Variants in FOXN3 observed in about 807,000 individuals in gnomAD.
FOXN3 encodes forkhead box protein N3.
In FOXN3, 7 loss-of-function variants were observed where a neutral mutation model predicts 38.4. The observed-to-expected ratio is 0.18, with a 90% CI of 0.10 to 0.34. The LOEUF (loss-of-function observed/expected upper bound fraction) is 0.34. FOXN3 is among the 10% of genes least tolerant of loss of function. The pLI, the probability that FOXN3 is intolerant of heterozygous loss-of-function variation, is 1.00. For missense variants in FOXN3, 456 were observed against 613.4 expected (o/e 0.74, Z 2.71); for synonymous variants, 230 against 242.2 (o/e 0.95, Z 0.47).
At chr14:89,407,959 C>T (rs1891438142) in intron 2 of FOXN3, among the ~76,000 whole-genome samples, 3 of 152,160 alleles carry the variant, frequency 2.0e-5, no homozygotes, top group South Asian at 2.1e-4. Context: ...AGTCATTATA[C>T]GATTCTAGTT....
chr14:89,382,865 G>A (rs878977037), intron 2 of FOXN3, among the ~76,000 whole-genome samples: 5 of 152,078 alleles, frequency 3.3e-5, no homozygotes, highest in East Asian at 1.9e-4. Context: ...TGAAAGGGAC[G>A]GTGAAGAAAC....
intron 2 of FOXN3, among the ~76,000 whole-genome samples, chr14:89,376,640 A>C (rs993894366): frequency 6.6e-6 from 1 of 152,168 alleles, no homozygotes; most frequent in African/African-American, 2.4e-5. Context: ...CGCTGATCAG[A>C]CTTAGCGTCA....
intron 4 of FOXN3, among the ~76,000 whole-genome samples, chr14:89,226,157 T>G (rs1884633279): frequency 6.9e-6 from 1 of 144,946 alleles, no homozygotes. Context: ...TTCTGACCAT[T>G]GATCTACCAA....
At chr14:89,516,628 C>A (rs1385136352) in intron 1 of FOXN3, among the ~76,000 whole-genome samples, 4 of 143,892 alleles carry the variant, frequency 2.8e-5, no homozygotes, top group African/African-American at 1.0e-4. Flanking sequence ...GTGGCACAAT[C>A]ATGGCTCACT....
chr14:89,568,171 C>T lies in FOXN3; in HGVS notation c.-15+50857G>A, dbSNP rs140280531. 2.9e-3 allele frequency among the ~76,000 whole-genome samples: 447 copies of T among 152,182 alleles called. 2 individuals carry two copies. The highest frequency in any genetic ancestry group is 0.01 in the African/African-American group (429 of 41,496). On this transcript the variant is annotated intron_variant, in intron 1 of 6. Coordinates refer to the FOXN3 transcript ENST00000345097. ...GCATCTGAGGACTTTGTTTCCCTCC[C>T]CGCTTCCATTCTAATGCACTAGAAA...
intron 1 of FOXN3, among the ~76,000 whole-genome samples, chr14:89,610,696 A>G (rs1896371750): frequency 6.6e-6 from 1 of 152,218 alleles, no homozygotes; most frequent in Admixed American, 6.5e-5. Context: ...TAAGAAACCT[A>G]TGAGAATTAC....
At chr14:89,230,458 T>G (rs1884772995) in intron 4 of FOXN3, among the ~76,000 whole-genome samples, 1 of 152,258 alleles carries the variant, frequency 6.6e-6, no homozygotes, top group Non-Finnish European at 1.5e-5. Context: ...ACTTCATCTC[T>G]GTGGGGATCA....
intron 4 of FOXN3, among the ~76,000 whole-genome samples, chr14:89,195,947 TAG>T (rs1471190501): frequency 6.6e-6 from 1 of 152,108 alleles, no homozygotes; most frequent in Admixed American, 6.5e-5. Context: ...GGGTGCTGAA[TAG>T]AGTTATGACC....
At chr14:89,467,014 C>A (rs937183963) in intron 1 of FOXN3, among the ~76,000 whole-genome samples, 1 of 152,200 alleles carries the variant, frequency 6.6e-6, no homozygotes, top group Non-Finnish European at 1.5e-5. Context: ...CGTTAGCTTT[C>A]GTTGCTGGGA....
At chr14:89,525,386 A>G (rs575797580) in intron 1 of FOXN3, among the ~76,000 whole-genome samples, 40 of 152,320 alleles carry the variant, frequency 2.6e-4, no homozygotes, top group African/African-American at 8.9e-4. Flanking sequence ...CACCAGCACT[A>G]TGACTATTTA....
intron 1 of FOXN3, among the ~76,000 whole-genome samples, chr14:89,449,772 C>T (rs1291375727): frequency 6.6e-6 from 1 of 152,204 alleles, no homozygotes; most frequent in Non-Finnish European, 1.5e-5. Flanking sequence ...GGTCTGACAG[C>T]TTTGCCCCCC....
chr14:89,222,264 A>G (rs1237893208), intron 4 of FOXN3, among the ~76,000 whole-genome samples: 3 of 152,174 alleles, frequency 2.0e-5, no homozygotes, highest in African/African-American at 7.2e-5. Flanking sequence ...GGACAGAGTC[A>G]ACTAAAGCTG....
chr14:89,192,362 T>C (rs1359045040), intron 4 of FOXN3, among the ~76,000 whole-genome samples: 1 of 145,468 alleles, frequency 6.9e-6, no homozygotes, highest in Non-Finnish European at 1.5e-5. Context: ...ATACAGTTTA[T>C]ATATTAACTA....
intron 1 of FOXN3, among the ~76,000 whole-genome samples, chr14:89,527,553 A>G (rs780024495): frequency 2.6e-5 from 4 of 152,336 alleles, no homozygotes; most frequent in Non-Finnish European, 5.9e-5. Context: ...CCAACAATAT[A>G]ATGGGCAAAA....
chr14:89,170,782 G>A (rs1030393581), intron 5 of FOXN3, among the ~76,000 whole-genome samples: 2 of 151,992 alleles, frequency 1.3e-5, no homozygotes, highest in African/African-American at 4.8e-5. Context: ...AAATACCCAT[G>A]GGTCAAAGAA....
intron 1 of FOXN3, chr14:89,577,391 C>T (rs1313578351): frequency 6.6e-6 from 1 of 152,104 alleles, no homozygotes; most frequent in Non-Finnish European, 1.5e-5. Context: ...TACCTAGATA[C>T]CTCCGTCTTC....
rs146331803 is a variant in FOXN3 at position 89,344,654 on chromosome 14, T to C, written c.680+6018A>G. On this transcript the variant is annotated intron_variant, in intron 3 of 5. Coordinates refer to ENST00000557258, the MANE Select transcript of FOXN3 (RefSeq NM_005197.4). ...AGGGTGTTAATGTAGTGTTACGAAG[T>C]TTAAATACCCCCACTATAAGTACCA... Among the ~76,000 whole-genome samples the C allele has an allele frequency of 1.8e-3, 278 of 152,268 alleles. 1 individual carries two copies. The highest frequency in any genetic ancestry group is 6.4e-3 in the African/African-American group (267 of 41,544).
At chr14:89,281,874 T>C (rs1886473802) in intron 3 of FOXN3, among the ~76,000 whole-genome samples, 1 of 152,222 alleles carries the variant, frequency 6.6e-6, no homozygotes, top group Admixed American at 6.5e-5. Flanking sequence ...CTCATCAAAA[T>C]AGTACATGAC....
intron 2 of FOXN3, chr14:89,409,155 A>G (rs1295045505): frequency 6.6e-6 from 1 of 152,270 alleles, no homozygotes; most frequent in Admixed American, 6.5e-5. Flanking sequence ...ACTCCCAACC[A>G]CAAAACTGAC....
Sources: allele counts gnomAD v4.1 joint callset (sites outside exome capture counted in the v4.1 genomes callset), GRCh38; gene constraint gnomAD v4.1.1; transcripts MANE v1.5; gene names NCBI Gene and HGNC (gene_info 2026-07-23, HGNC 2026-07-21).